Variants in SULT1C3 observed in about 807,000 individuals in gnomAD.
The protein encoded by SULT1C3 is sulfotransferase family 1C member 3.
In SULT1C3, 31 loss-of-function variants were observed where a neutral mutation model predicts 28.4. The ratio of observed to expected loss-of-function variants is 1.09; its 90% confidence interval spans 0.82 to 1.47. The LOEUF (loss-of-function observed/expected upper bound fraction) is 1.47. SULT1C3 is among the 40% of genes most tolerant of loss of function. The pLI is 0.00. For synonymous variants in SULT1C3, 106 were observed against 92.2 expected (o/e 1.15, Z -0.86); for missense variants, 307 against 272.5 (o/e 1.13, Z -0.89).
downstream of SULT1C3, among the ~76,000 whole-genome samples, chr2:108,260,893 G>A (rs377250425): frequency 3.9e-5 from 6 of 152,196 alleles, no homozygotes; most frequent in Admixed American, 2.0e-4. Flanking sequence ...AGCAGAGTCC[G>A]CCTACATGAG....
intron 1 of SULT1C3, among the ~76,000 whole-genome samples, chr2:108,240,471 T>G (rs1675440554): frequency 6.6e-6 from 1 of 152,242 alleles, no homozygotes; most frequent in East Asian, 1.9e-4. Flanking sequence ...AAAATTTTAC[T>G]TACCAAGATA....
intron 4 of SULT1C3, 58 bp downstream of exon 4, chr2:108,253,500 G>T: frequency 1.1e-6 from 1 of 879,410 alleles, no homozygotes; most frequent in South Asian, 3.3e-5. Flanking sequence ...CTATACAACT[G>T]AAGATATCTT....
chr2:108,247,832 A>G (rs545650255), intron 2 of SULT1C3, among the ~76,000 whole-genome samples: 23 of 152,334 alleles, frequency 1.5e-4, no homozygotes, highest in African/African-American at 5.1e-4. Flanking sequence ...AGTCTCATTC[A>G]GAAAAGCCCA....
At chr2:108,261,045 C>T (rs915802878), downstream of SULT1C3, among the ~76,000 whole-genome samples, 2 of 152,052 alleles carry the variant, frequency 1.3e-5, no homozygotes, top group Non-Finnish European at 2.9e-5. Flanking sequence ...GTATTACAAG[C>T]CCCATTGTTA....
At chr2:108,258,912 C>A in intron 6 of SULT1C3, 54 bp from the exon 7 acceptor site, 3 of 1,054,482 alleles carry the variant, frequency 2.8e-6, no homozygotes, top group Non-Finnish European at 4.2e-6. Context: ...CTTTAATTGG[C>A]CAAGTTCTTC....
rs1397489480 is a variant in SULT1C3, at chr2:108,253,418, A to G, written c.375A>G (p.Pro125=). 3.2e-6 allele frequency: 5 copies of G among 1,554,960 alleles called. No individual in the cohort carries two copies. Among genetic ancestry groups the G allele is most frequent in the South Asian group, 1.3e-5 (1 of 79,130 alleles). The change falls in exon 4 of 8, where the codon CCA becomes CCG. Residue 125 remains proline, a synonymous_variant. Transcript: ENST00000681802. The part of the protein sequence containing the change: ...KTHLPSHLIP[P]SIWKENCKIV... ...ATCTCCCTTCACATCTGATTCCACC[A>G]TCTATCTGGAAAGAAAACTGCAAGG...
At chr2:108,264,193 A>G (rs958020886), downstream of SULT1C3, among the ~76,000 whole-genome samples, 13 of 152,148 alleles carry the variant, frequency 8.5e-5, no homozygotes, top group African/African-American at 3.1e-4. Flanking sequence ...CACTCTCATG[A>G]CCCAGTGCAT....
chr2:108,247,309 G>C lies in SULT1C3; in HGVS notation c.115G>C (p.Val39Leu). 1 of 1,599,566 alleles carries C rather than the reference G, an allele frequency of 6.3e-7. No homozygotes were observed. Among genetic ancestry groups the C allele is most frequent in the Non-Finnish European group, 8.5e-7 (1 of 1,171,836 alleles). The change falls in exon 2 of 8, where the codon GTA (valine) becomes CTA (leucine). Residue 39 changes from valine (V) to leucine (L), a missense_variant. By Grantham distance (32) the Val-to-Leu change is conservative (BLOSUM62 1). Coordinates refer to ENST00000681802, the MANE Select transcript of SULT1C3 (RefSeq NM_001320878.2). The part of the protein sequence containing the change: ...LILSKEWWEK[V>L]CNFQAKPDDL... ...ATTATCAAAAGAATGGTGGGAAAAA[G>C]TATGTAATTTCCAAGCCAAGCCTGA...
chr2:108,265,106 TC>T, downstream of SULT1C3: 2 of 1,475,410 alleles, frequency 1.4e-6, no homozygotes, highest in South Asian at 2.7e-5. Context: ...ATTTATTCTT[TC>T]CAGCAGCACC....
downstream of SULT1C3, chr2:108,264,801 T>G (rs374847409): frequency 9.5e-6 from 15 of 1,585,800 alleles, no homozygotes; most frequent in Non-Finnish European, 1.1e-5. Context: ...CATGATTTGT[T>G]TGGTGTGACT....
In SULT1C3 at chr2:108,246,647, G is replaced by GA. The variant is rs61344697; in HGVS notation, c.-7-532dup. Among the ~76,000 whole-genome samples the GA allele has an allele frequency of 8.1e-3, 1,214 of 150,088 alleles. 11 individuals carry two copies. The highest frequency in any genetic ancestry group is 0.028 in the African/African-American group (1,148 of 41,012). Reference sequence around the variant, plus strand: ...ATATTTCAAAAATTATTCCATGAATGAAAAAAAAACTACATGAAATTATGT... The same window carrying GA: ...ATATTTCAAAAATTATTCCATGAATGAAAAAAAAAACTACATGAAATTATGT... On this transcript the variant is annotated intron_variant, in intron 1 of 7. Coordinates refer to ENST00000681802, the MANE Select transcript of SULT1C3 (RefSeq NM_001320878.2).
chr2:108,247,090 G>T, intron 1 of SULT1C3, 98 bp from the exon 2 acceptor site: 1 of 882,182 alleles, frequency 1.1e-6, no homozygotes, highest in Non-Finnish European at 1.6e-6. Context: ...CTTATTTTAT[G>T]CTATTCTAAT....
At chr2:108,264,996 A>C, downstream of SULT1C3, 1 of 1,609,926 alleles carries the variant, frequency 6.2e-7, no homozygotes. Context: ...CTCCCCTTTT[A>C]TGAGGAAAGG....
chr2:108,242,879 A>G (rs1465216182), intron 1 of SULT1C3, among the ~76,000 whole-genome samples: 1 of 152,174 alleles, frequency 6.6e-6, no homozygotes, highest in Non-Finnish European at 1.5e-5. Context: ...AAATAGAGAA[A>G]AATAATTCAG....
At chr2:108,241,860 G>C (rs1280093843) in intron 1 of SULT1C3, among the ~76,000 whole-genome samples, 4 of 151,014 alleles carry the variant, frequency 2.6e-5, no homozygotes, top group African/African-American at 4.9e-5. Context: ...CTGGGAGGTG[G>C]AGCTTGGAGT....
At chr2:108,255,850 T>A (rs1675855458) in intron 5 of SULT1C3, 152 bp downstream of exon 5, 1 of 984,846 alleles carries the variant, frequency 1.0e-6, no homozygotes, top group South Asian at 2.4e-5. Context: ...GTAGAAGAGG[T>A]ATTTTTCCAA....
intron 1 of SULT1C3, among the ~76,000 whole-genome samples, chr2:108,241,778 T>C (rs1346245689): frequency 6.6e-6 from 1 of 151,880 alleles, no homozygotes; most frequent in African/African-American, 2.4e-5. Flanking sequence ...ATACAAAAAA[T>C]AAGCTGGGCA....
At chr2:108,254,145 C>T (rs1335231082) in intron 4 of SULT1C3, among the ~76,000 whole-genome samples, 1 of 151,954 alleles carries the variant, frequency 6.6e-6, no homozygotes, top group Non-Finnish European at 1.5e-5. Context: ...CACAGGTGGA[C>T]GAAGATGCCT....
Position 108,247,339 on chromosome 2 carries a change from C to G in SULT1C3, c.145C>G (p.Leu49Val). Residue 49 changes from leucine to valine, a missense_variant, in exon 2 of 8, where the codon CTT becomes GTT. Transcript: ENST00000681802. Reference protein sequence around the residue: ...VCNFQAKPDDLILATYPKSGT... With the variant: ...VCNFQAKPDDVILATYPKSGT... ...TAATTTCCAAGCCAAGCCTGATGATCTTATTCTGGCAACTTACCCAAAGTC... is the reference window on the plus strand; with the variant it reads ...TAATTTCCAAGCCAAGCCTGATGATGTTATTCTGGCAACTTACCCAAAGTC... 1 of 1,553,220 alleles carries G rather than the reference C, an allele frequency of 6.4e-7. No homozygotes were observed. Among genetic ancestry groups the G allele is most frequent in the Non-Finnish European group, 8.7e-7 (1 of 1,150,208 alleles).
Sources: allele counts gnomAD v4.1 joint callset (sites outside exome capture counted in the v4.1 genomes callset), GRCh38; gene constraint gnomAD v4.1.1; transcripts MANE v1.5; gene names NCBI Gene and HGNC (gene_info 2026-07-23, HGNC 2026-07-21).